SLBP: variants seen among roughly 807,000 people sequenced by gnomAD.
SLBP encodes the protein histone RNA hairpin-binding protein.
In SLBP, 29 loss-of-function variants were observed where a neutral mutation model predicts 39.2. The observed-to-expected ratio is 0.74, with a 90% CI of 0.55 to 1.01. The LOEUF is 1.01. Among genes scored for constraint, SLBP ranks in the 50% least tolerant of loss-of-function variants. SLBP has a pLI of 0.00. For synonymous variants in SLBP, 129 were observed against 118.7 expected, an observed-to-expected ratio of 1.09 and a Z score of -0.57; for missense variants, 390 against 350.2, an observed-to-expected ratio of 1.11 and a Z score of -0.91.
At position 1,699,734 on chromosome 4, in the gene SLBP, T is replaced by C. The variant is rs778064071; in HGVS notation, c.342-33A>G. On this transcript the variant is annotated intron_variant, in intron 4 of 7. Coordinates refer to ENST00000489418, the MANE Select transcript of SLBP (RefSeq NM_006527.4). ...AACAACAGATTAACAGAATAAGCCCTGCAATTAAGATCACCATGTATGTAA... is the reference window on the plus strand; with the variant it reads ...AACAACAGATTAACAGAATAAGCCCCGCAATTAAGATCACCATGTATGTAA... The C allele has an allele frequency of 2.5e-6, 4 of 1,603,068 alleles. No homozygotes were observed. In the South Asian group the frequency reaches 3.3e-5, roughly 13 times the overall value.
intron 2 of SLBP, among the ~76,000 whole-genome samples, chr4:1,704,737 G>A (rs1213070183): frequency 1.3e-5 from 2 of 152,116 alleles, no homozygotes; most frequent in Non-Finnish European, 2.9e-5. Context: ...TTTCCGCTGT[G>A]TAGTCCCAAG....
rs1362309248 is a variant in SLBP at position 1,712,265 on chromosome 4, C to A, written c.-77G>T. ...CGCGGGCAGAGAGCGCAGAGTAGAG[C>A]AGGGCAGGGCCTGAGGCAGAAACCC... On this transcript the variant is annotated 5_prime_UTR_variant, in exon 1 of 8. Coordinates refer to ENST00000489418, the MANE Select transcript of SLBP (RefSeq NM_006527.4). The A allele has an allele frequency of 1.1e-6, 1 of 926,390 alleles. No individual in the cohort carries two copies. The highest frequency in any genetic ancestry group is 1.5e-6 in the Non-Finnish European group (1 of 686,920). The allele number at this position is 926,390 out of a possible 1,614,324, so 57.4% of individuals were successfully genotyped here.
intron 2 of SLBP, among the ~76,000 whole-genome samples, chr4:1,710,271 C>T (rs565908382): frequency 6.6e-6 from 1 of 152,348 alleles, no homozygotes; most frequent in Non-Finnish European, 1.5e-5. Flanking sequence ...ACTCCGTTAC[C>T]TTTCTTGACA....
intron 2 of SLBP, among the ~76,000 whole-genome samples, chr4:1,706,726 G>T (rs1716530272): frequency 6.6e-6 from 1 of 151,752 alleles, no homozygotes; most frequent in Admixed American, 6.6e-5. Context: ...GAATCCCTTG[G>T]ACCCAGGAGG....
chr4:1,707,611 A>G lies in SLBP; in HGVS notation c.177-3911T>C, dbSNP rs1355832522. Among the ~76,000 whole-genome samples, 3 of 152,270 alleles carry G rather than the reference A, an allele frequency of 2.0e-5. No homozygotes were observed. The East Asian group carries it at 5.8e-4, about 29-fold the overall frequency. ...ACATCAGACATAAACTCACATTTTT[A>G]TTTTTCTACCCCATTTTTCTGTTGA... On this transcript the variant is annotated intron_variant, in intron 2 of 7. Transcript: ENST00000489418.
At chr4:1,700,101 A>G in intron 3 of SLBP, 31 bp from the exon 4 acceptor site, 1 of 1,490,616 alleles carries the variant, frequency 6.7e-7, no homozygotes, top group South Asian at 1.2e-5. Context: ...GCTGTTTTTA[A>G]AAAAGATATA....
chr4:1,708,417 T>C (rs1388650658), intron 2 of SLBP, among the ~76,000 whole-genome samples: 1 of 152,236 alleles, frequency 6.6e-6, no homozygotes, highest in Non-Finnish European at 1.5e-5. Flanking sequence ...AAACTTAAAT[T>C]GGATTTCTAA....
chr4:1,711,402 C>A, intron 2 of SLBP, among the ~76,000 whole-genome samples: 1 of 152,132 alleles, frequency 6.6e-6, no homozygotes, highest in East Asian at 1.9e-4. Flanking sequence ...ACCACTGGCA[C>A]CCCTGCTTAT....
intron 2 of SLBP, among the ~76,000 whole-genome samples, chr4:1,705,528 G>A (rs145383172): frequency 6.6e-6 from 1 of 152,140 alleles, no homozygotes; most frequent in African/African-American, 2.4e-5. Context: ...ACTGTCTTTA[G>A]TTCTGAATTA....
At chr4:1,699,892 T>G in intron 4 of SLBP, 119 bp downstream of exon 4, 1 of 832,422 alleles carries the variant, frequency 1.2e-6, no homozygotes, top group Non-Finnish European at 1.9e-6. Flanking sequence ...TTCAAATTAG[T>G]GAAAAAGGTA....
At chr4:1,702,160 T>G (rs1378908987) in intron 3 of SLBP, among the ~76,000 whole-genome samples, 2 of 152,224 alleles carry the variant, frequency 1.3e-5, no homozygotes, top group Non-Finnish European at 2.9e-5. Flanking sequence ...CAAGAACTGT[T>G]CTAAGACTTG....
intron 2 of SLBP, among the ~76,000 whole-genome samples, chr4:1,708,194 G>A (rs1716596823): frequency 6.6e-6 from 1 of 152,074 alleles, no homozygotes; most frequent in African/African-American, 2.4e-5. Flanking sequence ...AGAGGTTACA[G>A]TGAGGTGAGA....
Position 1,693,678 on chromosome 4 carries a change from G to C in SLBP, c.732C>G (p.His244Gln). Residue 244 changes from histidine to glutamine, a missense_variant, in exon 8 of 8, where the codon CAC becomes CAG. Physicochemically the swap from His to Gln is conservative, Grantham distance 24. Transcript: ENST00000489418. Reference sequence around the variant, plus strand: ...ACTCATCCTCCACTTGACTGTCCATGTGTCTCACCTTGGTGGGTGTGCCAG... The same window carrying C: ...ACTCATCCTCCACTTGACTGTCCATCTGTCTCACCTTGGTGGGTGTGCCAG... ...VYSGTPTKVRHMDSQVEDEFD... is the reference protein window; with the variant it reads ...VYSGTPTKVRQMDSQVEDEFD... The C allele has an allele frequency of 6.2e-7, 1 of 1,613,766 alleles. No homozygotes were observed. The highest frequency in any genetic ancestry group is 8.5e-7 in the Non-Finnish European group (1 of 1,179,652).
chr4:1,701,579 G>A (rs1200743435), intron 3 of SLBP, among the ~76,000 whole-genome samples: 1 of 152,126 alleles, frequency 6.6e-6, no homozygotes, highest in Non-Finnish European at 1.5e-5. Flanking sequence ...CTCACTAAAG[G>A]GCCAGCAGTT....
At chr4:1,697,769 G>A (rs920795500) in intron 5 of SLBP, among the ~76,000 whole-genome samples, 7 of 151,422 alleles carry the variant, frequency 4.6e-5, no homozygotes, top group Non-Finnish European at 1.0e-4. Context: ...GCTTGAACCT[G>A]GGAGGCGGAG....
chr4:1,696,386 A>G (rs781567330), intron 5 of SLBP, 35 bp from the exon 6 acceptor site: 11 of 1,494,434 alleles, frequency 7.4e-6, no homozygotes, highest in Middle Eastern at 1.8e-4. Context: ...ACATGCCCAC[A>G]TGCCACTCAC....
chr4:1,710,139 A>G (rs1011034214), intron 2 of SLBP, among the ~76,000 whole-genome samples: 7 of 152,144 alleles, frequency 4.6e-5, no homozygotes, highest in South Asian at 2.1e-4. Flanking sequence ...TTGGCCTCCC[A>G]AAGTGCTGGG....
At chr4:1,707,630 C>T (rs1716573303) in intron 2 of SLBP, among the ~76,000 whole-genome samples, 1 of 152,094 alleles carries the variant, frequency 6.6e-6, no homozygotes, top group Non-Finnish European at 1.5e-5. Context: ...CCCCATTTTT[C>T]TGTTGATCAC....
rs1351172155 is a variant in SLBP at position 1,693,695 on chromosome 4, G to A, written c.715C>T (p.Pro239Ser). The change falls in exon 8 of 8, where the codon CCC becomes TCC. Residue 239 changes from proline to serine, a missense_variant. Coordinates refer to ENST00000489418, the MANE Select transcript of SLBP (RefSeq NM_006527.4). Reference protein sequence around the residue: ...QDDFDVYSGTPTKVRHMDSQV... With the variant: ...QDDFDVYSGTSTKVRHMDSQV... Reference sequence around the variant, plus strand: ...CTGTCCATGTGTCTCACCTTGGTGGGTGTGCCAGAGTACACATCCTGGAAA... The same window carrying A: ...CTGTCCATGTGTCTCACCTTGGTGGATGTGCCAGAGTACACATCCTGGAAA... 4.3e-6 allele frequency: 7 copies of A among 1,611,056 alleles called. No homozygotes were observed. In the South Asian group the frequency reaches 7.7e-5, roughly 18 times the overall value.
Sources: gnomAD v4.1 joint callset for allele counts (sites outside exome capture counted in the v4.1 genomes callset) on GRCh38, gnomAD v4.1.1 for gene constraint, MANE v1.5 for transcripts, NCBI Gene and HGNC (gene_info 2026-07-23, HGNC 2026-07-21) for gene names.